The following CRB1 variants were observed in gnomAD, a reference collection of about 807,000 sequenced individuals.
CRB1 encodes protein crumbs homolog 1.
A neutral mutation model predicts 120.0 loss-of-function variants in CRB1; 83 were observed. The ratio of observed to expected loss-of-function variants is 0.69; its 90% CI spans 0.58 to 0.83. The LOEUF (loss-of-function observed/expected upper bound fraction) is 0.83. CRB1 is among the 40% of genes least tolerant of loss of function. The pLI, the probability that CRB1 is intolerant of heterozygous loss-of-function variation, is 0.00. For missense variants in CRB1, 1,699 were observed against 1,687.6 expected (o/e 1.01, Z -0.12); for synonymous variants, 625 against 612.5 (o/e 1.02, Z -0.30).
chr1:197,292,613 A>G (rs1185500853), intron 1 of CRB1, among the ~76,000 whole-genome samples: 1 of 152,162 alleles, frequency 6.6e-6, no homozygotes, highest in African/African-American at 2.4e-5. Context: ...CAAAAAAAAG[A>G]GAATTTTAGA....
chr1:197,441,287 A>C (rs1338745039), intron 10 of CRB1: 2 of 152,156 alleles, frequency 1.3e-5, no homozygotes, highest in Non-Finnish European at 2.9e-5. Flanking sequence ...AGTGTTTGTC[A>C]CATAGTATGT....
At chr1:197,366,945 A>G (rs1423047771) in intron 5 of CRB1, among the ~76,000 whole-genome samples, 1 of 152,240 alleles carries the variant, frequency 6.6e-6, no homozygotes, top group African/African-American at 2.4e-5. Flanking sequence ...AAATATGCTC[A>G]TATCTTGTCA....
chr1:197,217,837 G>A, the CRB1 span, among the ~76,000 whole-genome samples: 4 of 152,102 alleles, frequency 2.6e-5, no homozygotes, highest in African/African-American at 9.7e-5. Flanking sequence ...TCTCAAAACA[G>A]TATAAGAGAC....
chr1:197,249,802 C>T, the CRB1 span, among the ~76,000 whole-genome samples: 2 of 151,988 alleles, frequency 1.3e-5, no homozygotes, highest in Non-Finnish European at 2.9e-5. Context: ...AGATAATACT[C>T]TGACATTTTA....
At chr1:197,275,381 G>A (rs867556203) in intron 1 of CRB1, among the ~76,000 whole-genome samples, 1 of 151,918 alleles carries the variant, frequency 6.6e-6, no homozygotes, top group African/African-American at 2.4e-5. Context: ...GGTAAAATTG[G>A]TTTACAATTG....
rs541014050 is a variant in CRB1, at chr1:197,434,904, G to A, written c.3041G>A (p.Ser1014Asn). Residue 1014 changes from serine to asparagine, a missense_variant, in exon 9 of 12, where the codon AGT (serine) becomes AAT (asparagine). Coordinates refer to ENST00000367400, the MANE Select transcript of CRB1 (RefSeq NM_201253.3). Reference protein sequence around the residue: ...QDSRLFFQLQSGNSFYMLSLT... With the variant: ...QDSRLFFQLQNGNSFYMLSLT... Reference sequence around the variant, plus strand: ...TCCAGATTATTCTTTCAATTGCAAAGTGGCAACAGCTTTTATATGCTAAGT... The same window carrying A: ...TCCAGATTATTCTTTCAATTGCAAAATGGCAACAGCTTTTATATGCTAAGT... 12 of 1,613,858 alleles carry A rather than the reference G, an allele frequency of 7.4e-6. No individual in the cohort carries two copies. The highest frequency in any genetic ancestry group is 5.0e-5 in the Admixed American group (3 of 59,962).
intron 2 of CRB1, among the ~76,000 whole-genome samples, chr1:197,342,746 A>T (rs931543755): frequency 1.3e-5 from 2 of 152,146 alleles, no homozygotes; most frequent in Non-Finnish European, 2.9e-5. Context: ...TACCCTGAAG[A>T]ATTAAGGGTG....
intron 11 of CRB1, among the ~76,000 whole-genome samples, chr1:197,465,257 T>G (rs936011001): frequency 5.9e-5 from 9 of 152,214 alleles, no homozygotes; most frequent in African/African-American, 2.2e-4. Flanking sequence ...TTAGACTTTA[T>G]TTTTGTCCCC....
chr1:197,262,145 C>A, the CRB1 span, among the ~76,000 whole-genome samples: 1 of 152,082 alleles, frequency 6.6e-6, no homozygotes, highest in Admixed American at 6.5e-5. Context: ...TGCAGGTGTA[C>A]ATATAATATA....
rs547662306 is a variant in CRB1 at position 197,475,546 on chromosome 1, A to T, written c.4006-2118A>T. On this transcript the variant is annotated intron_variant, in intron 11 of 11. Transcript: ENST00000367400. ...AGATAAACTAACTTCTCTGCCTCCA[A>T]TTTCTTCCCCACCTACACTATCTCC... Among the ~76,000 whole-genome samples, 6 of 152,102 alleles carry T rather than the reference A, an allele frequency of 3.9e-5. No homozygotes were observed. In the South Asian group the frequency reaches 6.2e-4, roughly 16 times the overall value.
chr1:197,289,731 A>G (rs1195837333), intron 1 of CRB1, among the ~76,000 whole-genome samples: 1 of 151,760 alleles, frequency 6.6e-6, no homozygotes, highest in Non-Finnish European at 1.5e-5. Flanking sequence ...TATGTCTAAT[A>G]TGCTCTAATT....
intron 11 of CRB1, among the ~76,000 whole-genome samples, chr1:197,472,120 C>T (rs772857496): frequency 6.6e-6 from 1 of 152,100 alleles, no homozygotes; most frequent in Non-Finnish European, 1.5e-5. Flanking sequence ...ACACTAAATA[C>T]ACACACAGAC....
At chr1:197,206,102 T>G in the CRB1 span, among the ~76,000 whole-genome samples, 1,299 of 152,198 alleles carry the variant, frequency 8.5e-3, 18 homozygotes, top group African/African-American at 0.029. Flanking sequence ...AGCTGTAATA[T>G]CTCCCATTTC....
At chr1:197,399,299 A>C (rs1210931519) in intron 5 of CRB1, among the ~76,000 whole-genome samples, 2 of 152,154 alleles carry the variant, frequency 1.3e-5, no homozygotes, top group African/African-American at 2.4e-5. Context: ...ATTTTCCCAC[A>C]AAAGATTGTC....
At chr1:197,288,301 C>T (rs898765246) in intron 1 of CRB1, among the ~76,000 whole-genome samples, 8 of 151,832 alleles carry the variant, frequency 5.3e-5, no homozygotes, top group African/African-American at 1.9e-4. Flanking sequence ...AGTAGCCAGA[C>T]TGAATAACTT....
chr1:197,406,891 T>A (rs2494268), intron 5 of CRB1, among the ~76,000 whole-genome samples: 9 of 152,122 alleles, frequency 5.9e-5, no homozygotes, highest in Non-Finnish European at 1.3e-4. Context: ...TAAAGGTAGG[T>A]GGTGCAAAGG....
upstream of CRB1, among the ~76,000 whole-genome samples, chr1:197,264,347 C>A (rs1654584755): frequency 6.6e-6 from 1 of 152,044 alleles, no homozygotes; most frequent in South Asian, 2.1e-4. Flanking sequence ...GTTATATATA[C>A]CGTATTTTCT....
chr1:197,316,917 A>C (rs1657883033), intron 1 of CRB1, among the ~76,000 whole-genome samples: 2 of 151,848 alleles, frequency 1.3e-5, no homozygotes, highest in South Asian at 2.1e-4. Context: ...CTACAAAAAA[A>C]AAAAACAAAA....
At chr1:197,347,881 A>T (rs1325877827) in intron 4 of CRB1, among the ~76,000 whole-genome samples, 1 of 152,232 alleles carries the variant, frequency 6.6e-6, no homozygotes, top group East Asian at 1.9e-4. Context: ...ATTTGTAAAG[A>T]GTTATATTTG....
Sources: gnomAD v4.1 joint callset for allele counts (sites outside exome capture counted in the v4.1 genomes callset) on GRCh38, gnomAD v4.1.1 for gene constraint, MANE v1.5 for transcripts, NCBI Gene and HGNC (gene_info 2026-07-23, HGNC 2026-07-21) for gene names.